COL25A1: variants seen among roughly 807,000 people sequenced by gnomAD.
The protein encoded by COL25A1 is collagen alpha-1(XXV) chain.
A neutral mutation model predicts 128.4 loss-of-function variants in COL25A1; 103 were observed. That is an observed-to-expected ratio of 0.80 (90% CI 0.68 to 0.94). COL25A1 has a LOEUF of 0.94. Ranked by LOEUF, COL25A1 falls within the 40% of genes least tolerant of loss-of-function variation. The probability of loss-of-function intolerance (pLI) is 0.00; values close to 1 mark genes in which losing one functional copy is unlikely to be tolerated. For missense variants in COL25A1, 745 were observed against 840.0 expected, an observed-to-expected ratio of 0.89 and a Z score of 1.40; for synonymous variants, 279 against 277.2, an observed-to-expected ratio of 1.01 and a Z score of -0.06.
chr4:108,913,049 G>A (rs1744421177), intron 13 of COL25A1, among the ~76,000 whole-genome samples: 1 of 151,838 alleles, frequency 6.6e-6, no homozygotes, highest in Non-Finnish European at 1.5e-5. Flanking sequence ...ACTTAAAATT[G>A]CACGAATCAA....
intron 3 of COL25A1, among the ~76,000 whole-genome samples, chr4:109,279,123 G>A (rs1723120583): frequency 6.6e-6 from 1 of 151,834 alleles, no homozygotes; most frequent in African/African-American, 2.4e-5. Context: ...CGGGGGGATG[G>A]GGGAAGACAC....
intron 3 of COL25A1, among the ~76,000 whole-genome samples, chr4:109,254,469 T>TTTTATATA (rs1357197026): frequency 8.4e-5 from 5 of 59,584 alleles, no homozygotes; most frequent in East Asian, 6.4e-4. Context: ...AGGCATATGT[T>TTTTATATA]TATATATATA....
chr4:109,264,789 G>A (rs1781681516), intron 3 of COL25A1, among the ~76,000 whole-genome samples: 1 of 152,046 alleles, frequency 6.6e-6, no homozygotes. Flanking sequence ...GGCACTCCCT[G>A]GTTTACAAGT....
intron 3 of COL25A1, among the ~76,000 whole-genome samples, chr4:109,214,314 T>C (rs1777816326): frequency 6.6e-6 from 1 of 152,114 alleles, no homozygotes; most frequent in Non-Finnish European, 1.5e-5. Flanking sequence ...TCCACTGTAG[T>C]GAACCAAAAA....
At chr4:109,280,328 G>C (rs1008350314) in intron 3 of COL25A1, among the ~76,000 whole-genome samples, 1 of 152,160 alleles carries the variant, frequency 6.6e-6, no homozygotes, top group Non-Finnish European at 1.5e-5. Flanking sequence ...AGATGAGACA[G>C]CGTCATCTAT....
At chr4:109,143,026 T>A (rs890331608) in intron 3 of COL25A1, among the ~76,000 whole-genome samples, 1 of 152,252 alleles carries the variant, frequency 6.6e-6, no homozygotes, top group South Asian at 2.1e-4. Flanking sequence ...CAATTTGGCA[T>A]GTTTTTGCAG....
intron 3 of COL25A1, among the ~76,000 whole-genome samples, chr4:109,267,552 T>C (rs975249413): frequency 6.6e-6 from 1 of 152,182 alleles, no homozygotes; most frequent in African/African-American, 2.4e-5. Flanking sequence ...AATCAAATAA[T>C]ATACTTTAAC....
At chr4:109,249,579 G>A (rs1373127916) in intron 3 of COL25A1, among the ~76,000 whole-genome samples, 4 of 151,452 alleles carry the variant, frequency 2.6e-5, no homozygotes, top group African/African-American at 7.4e-5. Flanking sequence ...CAATAAGACC[G>A]AACATAGCAC....
chr4:108,947,971 C>A (rs1748973122), intron 8 of COL25A1, among the ~76,000 whole-genome samples: 1 of 152,146 alleles, frequency 6.6e-6, no homozygotes, highest in Non-Finnish European at 1.5e-5. Flanking sequence ...AATGTAAATA[C>A]TATCATGATT....
intron 3 of COL25A1, among the ~76,000 whole-genome samples, chr4:109,107,176 C>T (rs1479462456): frequency 6.6e-6 from 1 of 152,022 alleles, no homozygotes; most frequent in African/African-American, 2.4e-5. Flanking sequence ...GCAATTTAGA[C>T]AAAAAGTAAT....
intron 2 of COL25A1, among the ~76,000 whole-genome samples, chr4:109,301,432 A>G (rs1412560591): frequency 6.6e-6 from 1 of 152,186 alleles, no homozygotes; most frequent in Non-Finnish European, 1.5e-5. Flanking sequence ...TAGGACAACT[A>G]AAAAGAGATA....
intron 24 of COL25A1, among the ~76,000 whole-genome samples, chr4:108,858,706 C>G (rs1001313881): frequency 3.3e-5 from 5 of 151,998 alleles, no homozygotes; most frequent in Non-Finnish European, 7.4e-5. Flanking sequence ...TGGAAGAACA[C>G]AGAGGGAGTG....
chr4:109,171,794 T>C (rs1560807446), intron 3 of COL25A1, among the ~76,000 whole-genome samples: 1 of 152,098 alleles, frequency 6.6e-6, no homozygotes, highest in African/African-American at 2.4e-5. Flanking sequence ...AGATAATCCG[T>C]TTTCTACAGA....
intron 3 of COL25A1, among the ~76,000 whole-genome samples, chr4:109,295,257 T>C (rs2126288609): frequency 6.6e-6 from 1 of 152,214 alleles, no homozygotes; most frequent in East Asian, 1.9e-4. Context: ...CAATTTGTCA[T>C]TGGCACTTTG....
At chr4:108,923,841 T>C (rs924231381) in intron 11 of COL25A1, among the ~76,000 whole-genome samples, 2 of 152,214 alleles carry the variant, frequency 1.3e-5, no homozygotes, top group African/African-American at 4.8e-5. Context: ...TTGTATCAAG[T>C]AGATTTCCAA....
At chr4:109,062,307 A>G (rs1255255126) in intron 3 of COL25A1, among the ~76,000 whole-genome samples, 1 of 152,234 alleles carries the variant, frequency 6.6e-6, no homozygotes, top group African/African-American at 2.4e-5. Flanking sequence ...ATTTCAAAGT[A>G]GAATTTGAGT....
chr4:108,924,577 T>C (rs1745826392), intron 11 of COL25A1, among the ~76,000 whole-genome samples: 1 of 152,186 alleles, frequency 6.6e-6, no homozygotes. Context: ...AGCCTTCTTC[T>C]CCAGTCACAT....
chr4:109,014,776 A>G lies in COL25A1; in HGVS notation c.421-4401T>C, dbSNP rs1158506760. ...GTGTGTTGGGGGAGGGAACATGAAA[A>G]GGAGGGAAAAGAGGAAGTGGTTGAT... On this transcript the variant is annotated intron_variant, in intron 5 of 37. Coordinates refer to ENST00000399132, the MANE Select transcript of COL25A1 (RefSeq NM_198721.4). Among the ~76,000 whole-genome samples, 3 of 152,298 alleles carry G rather than the reference A, an allele frequency of 2.0e-5. No individual in the cohort carries two copies. The South Asian group carries it at 6.2e-4, about 32-fold the overall frequency.
chr4:109,295,562 G>A (rs1270014743), intron 3 of COL25A1, among the ~76,000 whole-genome samples: 3 of 151,972 alleles, frequency 2.0e-5, no homozygotes, highest in Non-Finnish European at 4.4e-5. Context: ...TCTTTCCATA[G>A]ATTGTGCAGT....
Sources: allele counts gnomAD v4.1 joint callset (sites outside exome capture counted in the v4.1 genomes callset), GRCh38; gene constraint gnomAD v4.1.1; transcripts MANE v1.5; gene names NCBI Gene and HGNC (gene_info 2026-07-23, HGNC 2026-07-21).